VAPA: variants seen among roughly 807,000 people sequenced by gnomAD.
VAPA encodes vesicle-associated membrane protein-associated protein A.
Under a neutral mutation model 25.6 loss-of-function variants are expected in VAPA, and 6 were observed. That is an observed-to-expected ratio of 0.23 (90% CI 0.13 to 0.46). The LOEUF is 0.46. Among genes scored for constraint, VAPA ranks in the 20% least tolerant of loss-of-function variants. VAPA has a pLI of 0.99. For missense variants in VAPA, 244 were observed against 302.1 expected (o/e 0.81, Z 1.43); for synonymous variants, 112 against 106.2 (o/e 1.05, Z -0.34).
chr18:9,945,026 G>A (rs375999256), intron 4 of VAPA: 5 of 1,614,002 alleles, frequency 3.1e-6, no homozygotes, highest in Non-Finnish European at 4.2e-6. Flanking sequence ...TGACCCCAGG[G>A]GACTCAGTGT....
At chr18:9,949,889 T>A (rs1393263357) in intron 4 of VAPA, 1 of 153,708 alleles carries the variant, frequency 6.5e-6, no homozygotes, top group Non-Finnish European at 1.4e-5. Context: ...AGATGACAAA[T>A]TAATAGAAGT....
intron 1 of VAPA, among the ~76,000 whole-genome samples, chr18:9,917,694 T>C (rs1249217439): frequency 6.6e-6 from 1 of 152,330 alleles, no homozygotes; most frequent in Admixed American, 6.5e-5. Context: ...AAAATCCTTA[T>C]GTTGAGAGTG....
intron 1 of VAPA, among the ~76,000 whole-genome samples, chr18:9,922,662 C>A (rs1185165207): frequency 1.3e-5 from 2 of 151,934 alleles, no homozygotes; most frequent in East Asian, 1.9e-4. Flanking sequence ...GTCATATGGA[C>A]TGGGAGACAA....
chr18:9,953,936 C>T (rs1427701980), intron 5 of VAPA, 117 bp from the exon 6 acceptor site: 21 of 1,256,194 alleles, frequency 1.7e-5, no homozygotes, highest in African/African-American at 3.0e-5. Context: ...TCCCCTTTTC[C>T]GTCCCCAGCC....
Position 9,943,869 on chromosome 18 carries a change from T to A in VAPA, c.418-6526T>A, listed in dbSNP as rs1265536293. ...TTTTTTTTTTTTTTTTTTTTTTTTT[T>A]TTTTTTTTTGAGACAGTGTCTCGCT... is the stretch of plus-strand genomic sequence containing the variant. On this transcript the variant is annotated intron_variant, in intron 4 of 5. Transcript: ENST00000400000. Among the ~76,000 whole-genome samples the A allele has an allele frequency of 6.6e-4, 59 of 88,968 alleles. 3 individuals carry two copies. The highest frequency in any genetic ancestry group is 2.5e-3 in the African/African-American group (54 of 21,520). The allele number at this position is 88,968 out of a possible 152,430, so 58.4% of individuals were successfully genotyped here. A position where few individuals can be genotyped will look rare whatever the true frequency, so the allele number is the denominator to read the frequency against.
intron 5 of VAPA, among the ~76,000 whole-genome samples, chr18:9,953,590 A>G (rs2069512054): frequency 6.6e-6 from 1 of 152,256 alleles, no homozygotes; most frequent in Non-Finnish European, 1.5e-5. Context: ...CAAATGGCAG[A>G]CTACAGGTCT....
In VAPA at chr18:9,954,357, C is replaced by G. The variant is rs2069522488; in HGVS notation, c.*146C>G. 5.8e-6 allele frequency: 4 copies of G among 686,256 alleles called. No homozygotes were observed. Among genetic ancestry groups the G allele is most frequent in the East Asian group, 2.6e-5 (1 of 38,384 alleles). The allele number at this position is 686,256 out of a possible 1,614,324, so 42.5% of individuals were successfully genotyped here. A position where few individuals can be genotyped will look rare whatever the true frequency, so the allele number is the denominator to read the frequency against. On this transcript the variant is annotated 3_prime_UTR_variant, in exon 6 of 6. Coordinates refer to ENST00000400000, the MANE Select transcript of VAPA (RefSeq NM_194434.3). The stretch of plus-strand genomic sequence containing the variant: ...TCATATAGGCTTTGCCTTTAATGAT[C>G]TCTTACGGTTAGAAAACACAATAAA...
At chr18:9,947,426 A>G (rs902684575) in intron 4 of VAPA, among the ~76,000 whole-genome samples, 3 of 152,224 alleles carry the variant, frequency 2.0e-5, no homozygotes, top group Non-Finnish European at 2.9e-5. Context: ...GTATGGGAAC[A>G]CTATCATATG....
At position 9,936,223 on chromosome 18, in the gene VAPA, GA is replaced by G; in HGVS notation, c.336+12del. ...AGATATGGAAGCTGTGGTAAGTATA[GA>G]AGAAGAATTTGTTTTGGGAAGTGGA... On this transcript the variant is annotated intron_variant, in intron 3 of 5. Coordinates refer to ENST00000400000, the MANE Select transcript of VAPA (RefSeq NM_194434.3). 6.4e-7 allele frequency: 1 copy of G among 1,559,658 alleles called. No individual in the cohort carries two copies. Among genetic ancestry groups the G allele is most frequent in the Non-Finnish European group, 8.7e-7 (1 of 1,148,536 alleles).
At chr18:9,922,214 C>G (rs1179746733) in intron 1 of VAPA, among the ~76,000 whole-genome samples, 9 of 152,174 alleles carry the variant, frequency 5.9e-5, no homozygotes, top group Non-Finnish European at 1.2e-4. Flanking sequence ...AAGCGATCCT[C>G]CTGCCTCAGC....
Position 9,955,401 on chromosome 18 carries a change from G to C in VAPA, c.*1190G>C, listed in dbSNP as rs924264000. On this transcript the variant is annotated 3_prime_UTR_variant, in exon 6 of 6. Coordinates refer to ENST00000400000, the MANE Select transcript of VAPA (RefSeq NM_194434.3). Reference sequence around the variant, plus strand: ...TGAAACACATTTTCAGTATAAGTATGCGTTACAGGGTTTGATACTTTCCTG... The same window carrying C: ...TGAAACACATTTTCAGTATAAGTATCCGTTACAGGGTTTGATACTTTCCTG... 1 of 152,160 alleles carries C rather than the reference G, an allele frequency of 6.6e-6. No individual in the cohort carries two copies. The highest frequency in any genetic ancestry group is 1.5e-5 in the Non-Finnish European group (1 of 68,020). 9.4% of individuals were successfully genotyped at this position (152,160 alleles called of 1,614,324 possible).
intron 5 of VAPA, among the ~76,000 whole-genome samples, chr18:9,952,579 A>AAC (rs1393470444): frequency 6.6e-6 from 1 of 151,818 alleles, no homozygotes; most frequent in African/African-American, 2.4e-5. Flanking sequence ...AAAAAAAAAA[A>AAC]ACAAAACCCT....
intron 4 of VAPA, among the ~76,000 whole-genome samples, chr18:9,938,265 T>C (rs1416289517): frequency 2.0e-5 from 3 of 152,230 alleles, no homozygotes; most frequent in Non-Finnish European, 4.4e-5. Context: ...TCAGCGTAAA[T>C]CTATCTTCTA....
At position 9,957,732 on chromosome 18, in the gene VAPA, A is replaced by T. The variant is rs1378625228; in HGVS notation, c.*3521A>T. On this transcript the variant is annotated 3_prime_UTR_variant, in exon 6 of 6. Coordinates refer to ENST00000400000, the MANE Select transcript of VAPA (RefSeq NM_194434.3). ...CTTTTCACAATACAAAAAAAATTTC[A>T]ACAGATTGTGTGGTTTGTGCATTTA... 4 of 152,358 alleles carry T rather than the reference A, an allele frequency of 2.6e-5. No individual in the cohort carries two copies. In the East Asian group the frequency reaches 5.8e-4, roughly 22 times the overall value. 9.4% of individuals were successfully genotyped at this position (152,358 alleles called of 1,614,324 possible).
intron 1 of VAPA, among the ~76,000 whole-genome samples, chr18:9,916,645 A>G (rs1031089204): frequency 1.3e-5 from 2 of 152,210 alleles, no homozygotes; most frequent in Non-Finnish European, 2.9e-5. Flanking sequence ...GTTGGCTTTG[A>G]TGGAAACCTT....
intron 1 of VAPA, chr18:9,914,952 T>G (rs2069099745): frequency 6.6e-6 from 1 of 152,392 alleles, no homozygotes; most frequent in Non-Finnish European, 1.5e-5. Flanking sequence ...GCGTCGCTTG[T>G]CACCTTTCCG....
chr18:9,915,929 A>G (rs2069108509), intron 1 of VAPA: 1 of 152,164 alleles, frequency 6.6e-6, no homozygotes, highest in African/African-American at 2.4e-5. Context: ...GGAATTATGA[A>G]GAGTCCTGAC....
chr18:9,945,775 TG>T lies in VAPA; in HGVS notation c.418-4617del, dbSNP rs2069416957. On this transcript the variant is annotated intron_variant, in intron 4 of 5. Transcript: ENST00000400000. ...TTTAATAATTTTTTGTTTTTGTGATTGGGAATTATTTACTTCTGGGAGTCAT... is the reference window on the plus strand; with the variant it reads ...TTTAATAATTTTTTGTTTTTGTGATTGGAATTATTTACTTCTGGGAGTCAT... 3.3e-5 allele frequency among the ~76,000 whole-genome samples: 5 copies of T among 152,202 alleles called. No homozygotes were observed. The South Asian group carries it at 1.0e-3, about 32-fold the overall frequency.
rs1312776918 is a variant in VAPA, at chr18:9,931,691, T to G, written c.80-119T>G. 31 of 800,460 alleles carry G rather than the reference T, an allele frequency of 3.9e-5. No individual in the cohort carries two copies. In the East Asian group the frequency reaches 8.9e-4, roughly 23 times the overall value. The allele number at this position is 800,460 out of a possible 1,614,324, so 49.6% of individuals were successfully genotyped here. Reference sequence around the variant, plus strand: ...CAGTGTTAGTAGCCATTTGGGATATTTATGCCTACAAATGTCAGCACTTAA... The same window carrying G: ...CAGTGTTAGTAGCCATTTGGGATATGTATGCCTACAAATGTCAGCACTTAA... On this transcript the variant is annotated intron_variant, in intron 1 of 5. Coordinates refer to ENST00000400000, the MANE Select transcript of VAPA (RefSeq NM_194434.3).
Sources: allele counts gnomAD v4.1 joint callset (sites outside exome capture counted in the v4.1 genomes callset), GRCh38; gene constraint gnomAD v4.1.1; transcripts MANE v1.5; gene names NCBI Gene and HGNC (gene_info 2026-07-23, HGNC 2026-07-21).